Variants in AGAP1 observed in about 807,000 individuals in gnomAD.
The protein encoded by AGAP1 is arf-GAP with GTPase, ANK repeat and PH domain-containing protein 1.
AGAP1 carries 29 observed loss-of-function variants against 105.3 expected under a neutral mutation model. The observed-to-expected ratio is 0.28, with a 90% CI of 0.21 to 0.38. The LOEUF (loss-of-function observed/expected upper bound fraction) is 0.38. Among genes scored for constraint, AGAP1 ranks in the 10% least tolerant of loss-of-function variants. The pLI is 1.00. For synonymous variants in AGAP1, 509 were observed against 485.9 expected, an observed-to-expected ratio of 1.05 and a Z score of -0.63; for missense variants, 998 against 1,165.1, an observed-to-expected ratio of 0.86 and a Z score of 2.09.
Position 235,883,046 on chromosome 2 carries a change from T to C in AGAP1, c.1051-299T>C, listed in dbSNP as rs1001513817. Among the ~76,000 whole-genome samples the C allele has an allele frequency of 6.6e-6, 1 of 151,996 alleles. No individual in the cohort carries two copies. The highest frequency in any genetic ancestry group is 2.4e-5 in the African/African-American group (1 of 41,372). On this transcript the variant is annotated intron_variant, in intron 9 of 17. Transcript: ENST00000304032. This position sits in a 1 kb window ranked among gnomAD's most constrained non-coding sequence, Gnocchi z 4.5. ...CATCTTACCCAGGCTGGTCTCGAAC[T>C]CTTGGGCTCAAACGATCCTTACACC...
intron 16 of AGAP1, among the ~76,000 whole-genome samples, chr2:236,060,034 T>G (rs2058148057): frequency 6.6e-6 from 1 of 152,158 alleles, no homozygotes; most frequent in African/African-American, 2.4e-5. Context: ...GAGGTTGCAG[T>G]GAGCCGAGAT....
chr2:236,019,913 A>G (rs1230578789), intron 13 of AGAP1, among the ~76,000 whole-genome samples: 1 of 152,204 alleles, frequency 6.6e-6, no homozygotes, highest in Non-Finnish European at 1.5e-5. Context: ...GTGGGTCCCC[A>G]CTGTGAGAGG....
At chr2:235,647,725 A>G (rs1947438906) in intron 1 of AGAP1, among the ~76,000 whole-genome samples, 1 of 152,018 alleles carries the variant, frequency 6.6e-6, no homozygotes, top group African/African-American at 2.4e-5. Flanking sequence ...AAGAAATCCT[A>G]GTGTTGACAA....
rs1278787615 is a variant in AGAP1, at chr2:235,741,061, G to A, written c.396+13G>A. 6.2e-7 allele frequency: 1 copy of A among 1,609,264 alleles called. No individual in the cohort carries two copies. The highest frequency in any genetic ancestry group is 8.5e-7 in the Non-Finnish European group (1 of 1,176,574). On this transcript the variant is annotated intron_variant, in intron 4 of 17. Coordinates refer to ENST00000304032, the MANE Select transcript of AGAP1 (RefSeq NM_001037131.3). The surrounding 1 kb of genome is among the most constrained non-coding windows in gnomAD (Gnocchi z 4.9). ...CCCGGAGGCGCAGGTGAGTATACAT[G>A]CATGCCCCAAGCCTGCTTTTTTTCC...
intron 3 of AGAP1, among the ~76,000 whole-genome samples, chr2:235,717,928 CCTT>C (rs1396506647): frequency 1.3e-5 from 2 of 152,132 alleles, no homozygotes; most frequent in Non-Finnish European, 2.9e-5. Context: ...AATCCAGTGT[CCTT>C]CTTATCCATT....
At chr2:235,686,620 G>GAGAT (rs1491129817) in intron 1 of AGAP1, among the ~76,000 whole-genome samples, 2 of 57,244 alleles carry the variant, frequency 3.5e-5, no homozygotes, top group Non-Finnish European at 6.4e-5. Flanking sequence ...TGGAGATATA[G>GAGAT]ATATATATAT....
chr2:235,494,930 G>A, intron 1 of AGAP1, 81 bp downstream of exon 1: 3 of 1,367,824 alleles, frequency 2.2e-6, no homozygotes, highest in Non-Finnish European at 9.6e-7. Flanking sequence ...GTGCGTGCGG[G>A]TGTCCACACA....
rs1302007139 is a variant in AGAP1, at chr2:236,113,979, C to T, written c.2115-6213C>T. ...TTTTGGGGATTGGGTCAGTGCCTTT[C>T]TTCTGATGAGTCGCCCATTCCCTCA... On this transcript the variant is annotated intron_variant, in intron 16 of 17. Transcript: ENST00000304032. The surrounding 1 kb of genome is among the most constrained non-coding windows in gnomAD (Gnocchi z 4.3). Among the ~76,000 whole-genome samples, 2 of 152,166 alleles carry T rather than the reference C, an allele frequency of 1.3e-5. No homozygotes were observed. Among genetic ancestry groups the T allele is most frequent in the Non-Finnish European group, 2.9e-5 (2 of 68,028 alleles).
At chr2:235,903,326 A>G (rs1009847463) in intron 10 of AGAP1, among the ~76,000 whole-genome samples, 2 of 152,180 alleles carry the variant, frequency 1.3e-5, no homozygotes, top group African/African-American at 4.8e-5. Context: ...TACATTTTCT[A>G]TCCTTGAAGA....
At chr2:235,668,729 A>G (rs1948214197) in intron 1 of AGAP1, among the ~76,000 whole-genome samples, 1 of 152,204 alleles carries the variant, frequency 6.6e-6, no homozygotes, top group Admixed American at 6.5e-5. Flanking sequence ...GATTTGATGG[A>G]AGAGAAGTTC....
At chr2:235,580,160 C>T (rs1006997994) in intron 1 of AGAP1, among the ~76,000 whole-genome samples, 2 of 152,018 alleles carry the variant, frequency 1.3e-5, no homozygotes, top group South Asian at 2.1e-4. Context: ...TGTTGATGGG[C>T]GTTTGTGTCC....
chr2:235,500,683 A>T (rs1195170212), intron 1 of AGAP1, among the ~76,000 whole-genome samples: 1 of 152,178 alleles, frequency 6.6e-6, no homozygotes, highest in Non-Finnish European at 1.5e-5. Flanking sequence ...AATGGTTTCA[A>T]GCTGGTGTTC....
At position 236,105,344 on chromosome 2, in the gene AGAP1, G is replaced by A. The variant is rs1296678986; in HGVS notation, c.2115-14848G>A. Among the ~76,000 whole-genome samples, 1 of 152,118 alleles carries A rather than the reference G, an allele frequency of 6.6e-6. No individual in the cohort carries two copies. The highest frequency in any genetic ancestry group is 1.5e-5 in the Non-Finnish European group (1 of 68,022). On this transcript the variant is annotated intron_variant, in intron 16 of 17. Coordinates refer to ENST00000304032, the MANE Select transcript of AGAP1 (RefSeq NM_001037131.3). The surrounding 1 kb of genome is among the most constrained non-coding windows in gnomAD (Gnocchi z 4.2). Reference sequence around the variant, plus strand: ...TGGGCGGAGCGGGGGACCAAGGACAGAGAGGAAGACAAAGGCTCTGTGAGC... The same window carrying A: ...TGGGCGGAGCGGGGGACCAAGGACAAAGAGGAAGACAAAGGCTCTGTGAGC...
In AGAP1 at chr2:235,741,659, T is replaced by G. The variant is rs1952590827; in HGVS notation, c.396+611T>G. On this transcript the variant is annotated intron_variant, in intron 4 of 17. Coordinates refer to ENST00000304032, the MANE Select transcript of AGAP1 (RefSeq NM_001037131.3). The surrounding 1 kb of genome is among the most constrained non-coding windows in gnomAD (Gnocchi z 4.9). ...TTGGTTTATTTAACCTGCTTTGTTT[T>G]ACTTACAGCATAATTTACCAGTTAA... is the stretch of plus-strand genomic sequence containing the variant. Among the ~76,000 whole-genome samples the G allele has an allele frequency of 6.6e-6, 1 of 152,196 alleles. No individual in the cohort carries two copies. The highest frequency in any genetic ancestry group is 2.1e-4 in the South Asian group (1 of 4,830).
In AGAP1 at chr2:235,854,881, C is replaced by T. The variant is rs540453140; in HGVS notation, c.1051-28464C>T. 1.8e-3 allele frequency among the ~76,000 whole-genome samples: 278 copies of T among 152,224 alleles called. 1 individual carries two copies. Among genetic ancestry groups the T allele is most frequent in the African/African-American group, 6.4e-3 (266 of 41,530 alleles). On this transcript the variant is annotated intron_variant, in intron 9 of 17. Transcript: ENST00000304032. Reference sequence around the variant, plus strand: ...TTAGTTTTGGAGTCTGCATCCTGTACAGTGTCCTCAGAAGTGTAGATCGTT... The same window carrying T: ...TTAGTTTTGGAGTCTGCATCCTGTATAGTGTCCTCAGAAGTGTAGATCGTT...
At chr2:235,618,836 T>C (rs991071098) in intron 1 of AGAP1, among the ~76,000 whole-genome samples, 1 of 152,184 alleles carries the variant, frequency 6.6e-6, no homozygotes, top group Admixed American at 6.5e-5. Flanking sequence ...AACCTGTGAA[T>C]GTGTGACCTT....
chr2:235,917,790 T>C (rs1417804209), intron 11 of AGAP1, among the ~76,000 whole-genome samples: 1 of 152,176 alleles, frequency 6.6e-6, no homozygotes, highest in Non-Finnish European at 1.5e-5. Context: ...CAGAAGTAAT[T>C]GGCTGTGCAG....
At chr2:235,749,356 T>G (rs1575320032) in intron 5 of AGAP1, among the ~76,000 whole-genome samples, 5 of 147,932 alleles carry the variant, frequency 3.4e-5, no homozygotes, top group African/African-American at 5.0e-5. Flanking sequence ...GGGCTGGGGG[T>G]GGGGAATCCT....
intron 1 of AGAP1, among the ~76,000 whole-genome samples, chr2:235,652,115 G>T (rs1189173830): frequency 6.6e-6 from 1 of 152,186 alleles, no homozygotes; most frequent in Non-Finnish European, 1.5e-5. Flanking sequence ...GACACCTGGA[G>T]TGGGCAGGAG....
Sources: gnomAD v4.1 joint callset for allele counts (sites outside exome capture counted in the v4.1 genomes callset) on GRCh38, gnomAD v4.1.1 for gene constraint, Gnocchi (gnomAD v3.1) non-coding constraint, MANE v1.5 for transcripts, NCBI Gene and HGNC (gene_info 2026-07-23, HGNC 2026-07-21) for gene names.